Variants in CWC15 observed in about 807,000 individuals in gnomAD.
CWC15 encodes the protein spliceosome-associated protein CWC15 homolog.
Under a neutral mutation model 28.4 loss-of-function variants are expected in CWC15, and 12 were observed. The ratio of observed to expected loss-of-function variants is 0.42; its 90% confidence interval spans 0.27 to 0.69. CWC15 has a LOEUF of 0.69. Among genes scored for constraint, CWC15 ranks in the 30% least tolerant of loss-of-function variants. CWC15 has a pLI of 0.23. For missense variants in CWC15, 192 were observed against 271.5 expected, an observed-to-expected ratio of 0.71 and a Z score of 2.06; for synonymous variants, 92 against 88.4, an observed-to-expected ratio of 1.04 and a Z score of -0.23.
chr11:94,966,439 A>C, intron 5 of CWC15, 26 bp from the exon 6 acceptor site: 2 of 1,452,544 alleles, frequency 1.4e-6, no homozygotes, highest in Non-Finnish European at 1.9e-6. Flanking sequence ...GAAGATTAAC[A>C]CTTACTTATT....
In CWC15 at chr11:94,969,972, TAATA is replaced by T; in HGVS notation, c.441+13_441+16del. The T allele has an allele frequency of 2.7e-6, 4 of 1,488,796 alleles. No individual in the cohort carries two copies. Among genetic ancestry groups the T allele is most frequent in the Non-Finnish European group, 3.6e-6 (4 of 1,117,586 alleles). 92.2% of individuals were successfully genotyped at this position (1,488,796 alleles called of 1,614,324 possible). On this transcript the variant is annotated intron_variant, in intron 5 of 6. Coordinates refer to ENST00000279839, the MANE Select transcript of CWC15 (RefSeq NM_016403.4). ...ATGTGAGAAGATAGATGTAAATATT[TAATA>T]CTTTGGTTTTACCTTCCTGGCCTGC...
chr11:94,971,067 TG>T lies in CWC15; in HGVS notation c.245-3del, dbSNP rs782703613. Reference sequence around the variant, plus strand: ...ACACTGAAGAGGAGGTTGTATGTTCTGGGGGGAAACAAAAATCATTTAACTT... The same window carrying T: ...ACACTGAAGAGGAGGTTGTATGTTCTGGGGGAAACAAAAATCATTTAACTT... On this transcript the variant is annotated splice_polypyrimidine_tract_variant and splice_region_variant and intron_variant, in intron 3 of 6. Coordinates refer to ENST00000279839, the MANE Select transcript of CWC15 (RefSeq NM_016403.4). 3 of 1,612,220 alleles carry T rather than the reference TG, an allele frequency of 1.9e-6. No individual in the cohort carries two copies. Among genetic ancestry groups the T allele is most frequent in the East Asian group, 4.5e-5 (2 of 44,872 alleles).
intron 4 of CWC15, 139 bp downstream of exon 4, chr11:94,970,838 G>A: frequency 1.4e-6 from 1 of 714,324 alleles, no homozygotes; most frequent in Non-Finnish European, 2.4e-6. Context: ...ATAAAGTTTA[G>A]CACTGAGGTC....
At chr11:94,967,730 A>G (rs1026814019) in intron 5 of CWC15, among the ~76,000 whole-genome samples, 7 of 152,238 alleles carry the variant, frequency 4.6e-5, no homozygotes, top group African/African-American at 1.7e-4. Context: ...GGAGGTGAAA[A>G]GATCTAACTT....
At chr11:94,964,046 C>T (rs909068238) in intron 6 of CWC15, among the ~76,000 whole-genome samples, 5 of 151,762 alleles carry the variant, frequency 3.3e-5, no homozygotes, top group African/African-American at 9.7e-5. Context: ...ATATGGCCCA[C>T]ATATACATTA....
chr11:94,964,416 A>G lies in CWC15; in HGVS notation c.561-902T>C, dbSNP rs587735925. Among the ~76,000 whole-genome samples, 270 of 152,332 alleles carry G rather than the reference A, an allele frequency of 1.8e-3. 1 individual carries two copies. Among genetic ancestry groups the G allele is most frequent in the Non-Finnish European group, 3.1e-3 (214 of 68,034 alleles). On this transcript the variant is annotated intron_variant, in intron 6 of 6. Coordinates refer to ENST00000279839, the MANE Select transcript of CWC15 (RefSeq NM_016403.4). ...AGTCATCACTGATGCAGTACACAGA[A>G]GCATAACAAGCTGAGCAGATCAATA...
chr11:94,966,226 T>TACACACACACACAC (rs58215154), intron 6 of CWC15, 69 bp downstream of exon 6: 98 of 670,830 alleles, frequency 1.5e-4, no homozygotes, highest in African/African-American at 1.4e-3. Context: ...CATACACATA[T>TACACACACACACAC]ACACACACAC....
At chr11:94,963,993 C>T (rs1281980770) in intron 6 of CWC15, among the ~76,000 whole-genome samples, 1 of 151,720 alleles carries the variant, frequency 6.6e-6, no homozygotes, top group African/African-American at 2.4e-5. Context: ...TATAGGCCAA[C>T]AAAAGGAGAA....
At chr11:94,967,051 CTTTTTT>C (rs55894842) in intron 5 of CWC15, among the ~76,000 whole-genome samples, 1 of 143,000 alleles carries the variant, frequency 7.0e-6, no homozygotes, top group Admixed American at 6.9e-5. Context: ...CTGAGTTTTT[CTTTTTT>C]TTTTTTTTGA....
In CWC15 at chr11:94,963,343, C is replaced by A; in HGVS notation, c.*42G>T. 2 of 1,460,170 alleles carry A rather than the reference C, an allele frequency of 1.4e-6. No individual in the cohort carries two copies. The highest frequency in any genetic ancestry group is 1.4e-5 in the South Asian group (1 of 71,684). 90.5% of individuals were successfully genotyped at this position (1,460,170 alleles called of 1,614,324 possible). The stretch of plus-strand genomic sequence containing the variant: ...AACTCATAAAAAAAGTCAGAATGAT[C>A]CTTTACGTTTTACAGTCTTTAATTA... On this transcript the variant is annotated 3_prime_UTR_variant, in exon 7 of 7. Coordinates refer to ENST00000279839, the MANE Select transcript of CWC15 (RefSeq NM_016403.4).
intron 5 of CWC15, 51 bp downstream of exon 5, chr11:94,969,938 C>T: frequency 8.2e-7 from 1 of 1,223,640 alleles, no homozygotes. Context: ...AAAATTTCTA[C>T]CTTAGTGTAT....
At chr11:94,967,189 G>A (rs782500623) in intron 5 of CWC15, among the ~76,000 whole-genome samples, 2 of 151,836 alleles carry the variant, frequency 1.3e-5, no homozygotes, top group African/African-American at 2.4e-5. Context: ...CATCATGCCC[G>A]GCTAATTTTT....
At chr11:94,972,535 T>C (rs1413568143) in intron 1 of CWC15, among the ~76,000 whole-genome samples, 1 of 152,200 alleles carries the variant, frequency 6.6e-6, no homozygotes, top group African/African-American at 2.4e-5. Flanking sequence ...ATTATGACAC[T>C]TGACATGTCA....
At chr11:94,972,299 C>T in intron 1 of CWC15, 106 bp from the exon 2 acceptor site, 3 of 1,081,428 alleles carry the variant, frequency 2.8e-6, no homozygotes, top group Non-Finnish European at 3.9e-6. Flanking sequence ...AACTCATTCC[C>T]CAAAACCTGC....
chr11:94,966,267 A>ACACT (rs2134099330), intron 6 of CWC15, 28 bp downstream of exon 6: 7 of 1,060,548 alleles, frequency 6.6e-6, no homozygotes, highest in East Asian at 2.6e-5. Flanking sequence ...ACACACACAC[A>ACACT]CTCCATTACT....
In CWC15 at chr11:94,963,189, T is replaced by A. The variant is rs1018106621; in HGVS notation, c.*196A>T. 2.7e-6 allele frequency: 1 copy of A among 371,518 alleles called. No homozygotes were observed. The highest frequency in any genetic ancestry group is 1.1e-4 in the South Asian group (1 of 9,432). The allele number at this position is 371,518 out of a possible 1,614,324, so 23.0% of individuals were successfully genotyped here. Reference sequence around the variant, plus strand: ...CAGGAAAACATATCACTGGAAACATTTGGAGAATGCAAACTGGGTTAAACC... The same window carrying A: ...CAGGAAAACATATCACTGGAAACATATGGAGAATGCAAACTGGGTTAAACC... On this transcript the variant is annotated 3_prime_UTR_variant, in exon 7 of 7. Coordinates refer to ENST00000279839, the MANE Select transcript of CWC15 (RefSeq NM_016403.4).
chr11:94,963,540 G>A lies in CWC15; in HGVS notation c.561-26C>T, dbSNP rs114596329. On this transcript the variant is annotated intron_variant, in intron 6 of 6. Transcript: ENST00000279839. ...CTGAGGAAAAAAAAGCAAACAGAAC[G>A]TCTGAAAATGTTTGTATCAGGAGAC... is the stretch of plus-strand genomic sequence containing the variant. The A allele has an allele frequency of 3.6e-5, 55 of 1,539,446 alleles. No homozygotes were observed. The African/African-American group carries it at 5.2e-4, about 15-fold the overall frequency.
chr11:94,964,955 C>A (rs1305997903), intron 6 of CWC15, among the ~76,000 whole-genome samples: 3 of 152,248 alleles, frequency 2.0e-5, no homozygotes, highest in Non-Finnish European at 4.4e-5. Flanking sequence ...TCCAAATCTA[C>A]TATCTCCAGC....
rs11020985 is a variant in CWC15 at position 94,966,234 on chromosome 11, C to T, written c.560+61G>A. The T allele has an allele frequency of 6.3e-3, 1,330 of 210,722 alleles. 9 individuals are homozygous for T. The highest frequency in any genetic ancestry group is 0.039 in the African/African-American group (995 of 25,794). The allele number at this position is 210,722 out of a possible 1,614,324, so 13.1% of individuals were successfully genotyped here. The stretch of plus-strand genomic sequence containing the variant: ...GTATACACATACACATATACACACA[C>T]ACACACACACACACACACACACACA... On this transcript the variant is annotated intron_variant, in intron 6 of 6. Transcript: ENST00000279839.
Sources: gnomAD v4.1 joint callset for allele counts (sites outside exome capture counted in the v4.1 genomes callset) on GRCh38, gnomAD v4.1.1 for gene constraint, MANE v1.5 for transcripts, NCBI Gene and HGNC (gene_info 2026-07-23, HGNC 2026-07-21) for gene names.